XRCC4: variants seen among roughly 807,000 people sequenced by gnomAD.
XRCC4 encodes DNA repair protein XRCC4.
A neutral mutation model predicts 39.1 loss-of-function variants in XRCC4; 28 were observed. The observed-to-expected ratio is 0.72, with a 90% confidence interval of 0.53 to 0.98. XRCC4 has a LOEUF of 0.98. XRCC4 is among the 50% of genes least tolerant of loss of function. XRCC4 has a pLI of 0.00. For missense variants in XRCC4, 350 were observed against 376.4 expected (o/e 0.93, Z 0.58); for synonymous variants, 123 against 126.4 (o/e 0.97, Z 0.18).
In XRCC4 at chr5:83,278,648, C is replaced by T. The variant is rs118181430; in HGVS notation, c.893+19971C>T. 1.1e-3 allele frequency among the ~76,000 whole-genome samples: 162 copies of T among 152,144 alleles called. 3 individuals are homozygous for T. The East Asian group carries it at 0.018, about 17-fold the overall frequency. ...ACTGTACAAAAAATAAATAAGTTAA[C>T]ATTATTAAGTTACTACTTCAGTCCT... On this transcript the variant is annotated intron_variant, in intron 7 of 7. Transcript: ENST00000396027.
chr5:83,369,223 A>G, the XRCC4 span, among the ~76,000 whole-genome samples: 5 of 152,174 alleles, frequency 3.3e-5, no homozygotes, highest in Non-Finnish European at 5.9e-5. Flanking sequence ...TACACAAGAG[A>G]AAGCATTTTA....
intron 3 of XRCC4, among the ~76,000 whole-genome samples, chr5:83,135,080 C>G (rs1232656949): frequency 2.6e-5 from 4 of 152,196 alleles, no homozygotes; most frequent in African/African-American, 7.2e-5. Context: ...AGACCAAGAA[C>G]CCACTCTAAG....
chr5:83,265,236 A>T (rs147655278), intron 7 of XRCC4, among the ~76,000 whole-genome samples: 1 of 152,276 alleles, frequency 6.6e-6, no homozygotes, highest in East Asian at 1.9e-4. Context: ...TTGGTACCTG[A>T]ACTATAGACT....
intron 3 of XRCC4, among the ~76,000 whole-genome samples, chr5:83,149,114 A>T (rs1270880457): frequency 6.6e-6 from 1 of 152,176 alleles, no homozygotes; most frequent in Non-Finnish European, 1.5e-5. Flanking sequence ...TGGTAATATG[A>T]CTATATTGAT....
chr5:83,202,948 T>C lies in XRCC4; in HGVS notation c.483-604T>C, dbSNP rs570142986. On this transcript the variant is annotated intron_variant, in intron 4 of 7. Transcript: ENST00000396027. Reference sequence around the variant, plus strand: ...TATCTAAATTTGAAGATATGTAGTGTTTTACATTTGCTGTTTTATTAATCT... The same window carrying C: ...TATCTAAATTTGAAGATATGTAGTGCTTTACATTTGCTGTTTTATTAATCT... 2.0e-5 allele frequency among the ~76,000 whole-genome samples: 3 copies of C among 152,306 alleles called. No individual in the cohort carries two copies. The East Asian group carries it at 5.8e-4, about 29-fold the overall frequency.
chr5:83,374,027 A>G, the XRCC4 span, among the ~76,000 whole-genome samples: 1 of 152,208 alleles, frequency 6.6e-6, no homozygotes, highest in Non-Finnish European at 1.5e-5. Context: ...TCACAAAGCA[A>G]ATACATTAGT....
chr5:83,127,172 A>G (rs972571597), intron 3 of XRCC4, among the ~76,000 whole-genome samples: 3 of 152,072 alleles, frequency 2.0e-5, no homozygotes, highest in Non-Finnish European at 4.4e-5. Context: ...TTTGTGTGTT[A>G]TAAGGACATG....
At chr5:83,133,543 C>G (rs543630146) in intron 3 of XRCC4, among the ~76,000 whole-genome samples, 1 of 152,200 alleles carries the variant, frequency 6.6e-6, no homozygotes, top group African/African-American at 2.4e-5. Context: ...CCACCCAGTT[C>G]GAGCTTTCTG....
At chr5:83,214,933 T>C (rs1580380218) in intron 6 of XRCC4, among the ~76,000 whole-genome samples, 4 of 151,690 alleles carry the variant, frequency 2.6e-5, no homozygotes, top group African/African-American at 4.8e-5. Context: ...GAAATAAGTC[T>C]AACAAAAGAA....
At chr5:83,325,588 G>A (rs753063989) in intron 7 of XRCC4, among the ~76,000 whole-genome samples, 1 of 152,030 alleles carries the variant, frequency 6.6e-6, no homozygotes, top group African/African-American at 2.4e-5. Context: ...GCATTAGTTT[G>A]CTGAGGATAA....
intron 6 of XRCC4, among the ~76,000 whole-genome samples, chr5:83,206,457 T>A (rs1751427240): frequency 6.6e-6 from 1 of 152,058 alleles, no homozygotes; most frequent in Non-Finnish European, 1.5e-5. Flanking sequence ...TTGATGGATT[T>A]AGCAATACAA....
At chr5:83,301,111 G>A (rs948247986) in intron 7 of XRCC4, among the ~76,000 whole-genome samples, 1 of 152,092 alleles carries the variant, frequency 6.6e-6, no homozygotes, top group Non-Finnish European at 1.5e-5. Flanking sequence ...TGAGATTGCT[G>A]GTCAAATGGT....
At chr5:83,101,303 A>G (rs1019673525) in intron 1 of XRCC4, among the ~76,000 whole-genome samples, 13 of 152,088 alleles carry the variant, frequency 8.5e-5, no homozygotes, top group African/African-American at 3.1e-4. Flanking sequence ...AAGCTCACAA[A>G]ATCAATTTTA....
intron 3 of XRCC4, among the ~76,000 whole-genome samples, chr5:83,134,530 C>T (rs7732880): frequency 0.34 from 51,919 of 151,960 alleles, 9,516 homozygotes; most frequent in Non-Finnish European, 0.41. Context: ...AATCAGCTCT[C>T]TGTAAAACGT....
intron 3 of XRCC4, among the ~76,000 whole-genome samples, chr5:83,153,346 T>G (rs1313155103): frequency 6.6e-6 from 1 of 152,074 alleles, no homozygotes; most frequent in Non-Finnish European, 1.5e-5. Flanking sequence ...GTAGCTGGGA[T>G]TACAGGTGCC....
intron 3 of XRCC4, among the ~76,000 whole-genome samples, chr5:83,195,204 C>G (rs2112699073): frequency 6.6e-6 from 1 of 152,096 alleles, no homozygotes; most frequent in Non-Finnish European, 1.5e-5. Context: ...TACCTTTATG[C>G]AAAAGTACTA....
intron 3 of XRCC4, among the ~76,000 whole-genome samples, chr5:83,143,545 C>T (rs1372127380): frequency 6.6e-6 from 1 of 152,160 alleles, no homozygotes; most frequent in Non-Finnish European, 1.5e-5. Context: ...CTTATTCCTT[C>T]CTGCTGATCC....
intron 1 of XRCC4, among the ~76,000 whole-genome samples, chr5:83,093,951 G>GAA: frequency 6.6e-6 from 1 of 152,058 alleles, no homozygotes; most frequent in East Asian, 2.0e-4. Flanking sequence ...CTCCTGGTCT[G>GAA]GGGTTTCTGC....
chr5:83,233,271 C>T (rs1192838515), intron 6 of XRCC4, among the ~76,000 whole-genome samples: 1 of 152,088 alleles, frequency 6.6e-6, no homozygotes, highest in African/African-American at 2.4e-5. Flanking sequence ...CCAGCTTTGA[C>T]TTGGATAACC....
Sources: allele counts gnomAD v4.1 joint callset (sites outside exome capture counted in the v4.1 genomes callset), GRCh38; gene constraint gnomAD v4.1.1; transcripts MANE v1.5; gene names NCBI Gene and HGNC (gene_info 2026-07-23, HGNC 2026-07-21).